Variants in UGT1A3 observed in about 807,000 individuals in gnomAD.
The protein encoded by UGT1A3 is UDP glucuronosyltransferase family 1 member A3.
Under a neutral mutation model 41.0 loss-of-function variants are expected in UGT1A3, and 31 were observed. That is an observed-to-expected ratio of 0.76 (90% CI 0.57 to 1.02). UGT1A3 has a LOEUF of 1.02. Ranked by LOEUF, UGT1A3 falls within the 50% of genes least tolerant of loss-of-function variation. The pLI is 0.00. For synonymous variants in UGT1A3, 262 were observed against 257.6 expected, an observed-to-expected ratio of 1.02 and a Z score of -0.17; for missense variants, 737 against 671.0, an observed-to-expected ratio of 1.10 and a Z score of -1.09.
At chr2:233,741,868 C>T (rs566953182) in intron 1 of UGT1A3, 3 of 152,000 alleles carry the variant, frequency 2.0e-5, no homozygotes, top group South Asian at 2.1e-4. Flanking sequence ...GCAAACCTTT[C>T]CTCAGAGGTG....
At chr2:233,760,859 C>T in intron 1 of UGT1A3, 1 of 1,614,112 alleles carries the variant, frequency 6.2e-7, no homozygotes, top group Non-Finnish European at 8.5e-7. Context: ...AACCCATTCT[C>T]CTACGTGCCC....
intron 1 of UGT1A3, chr2:233,752,519 T>C (rs1480791131): frequency 6.6e-6 from 1 of 152,208 alleles, no homozygotes; most frequent in East Asian, 1.9e-4. Context: ...ATTTTTCAAT[T>C]CTAAAAATTC....
intron 1 of UGT1A3, among the ~76,000 whole-genome samples, chr2:233,742,449 T>C (rs1691982228): frequency 6.6e-6 from 1 of 151,986 alleles, no homozygotes. Flanking sequence ...GGGCCAGGTG[T>C]TCCTTGCCCT....
At chr2:233,763,561 T>A (rs1698343622) in intron 1 of UGT1A3, among the ~76,000 whole-genome samples, 1 of 152,248 alleles carries the variant, frequency 6.6e-6, no homozygotes, top group Admixed American at 6.5e-5. Context: ...GTCAAGTTAC[T>A]GTTCTTATTT....
chr2:233,729,619 C>A lies in UGT1A3; in HGVS notation c.493C>A (p.Leu165Met). Residue 165 changes from leucine to methionine, a missense_variant, in exon 1 of 5, where the codon CTG becomes ATG. Leu to Met is a conservative substitution (Grantham distance 15). Transcript: ENST00000482026. ...NLCAAVLAKYLSIPTVFFLRN... is the reference protein window; with the variant it reads ...NLCAAVLAKYMSIPTVFFLRN... ...CTGCGCGGCAGTGCTGGCTAAGTACCTGTCGATTCCTACTGTGTTTTTTTT... is the reference window on the plus strand; with the variant it reads ...CTGCGCGGCAGTGCTGGCTAAGTACATGTCGATTCCTACTGTGTTTTTTTT... The A allele has an allele frequency of 6.2e-7, 1 of 1,613,978 alleles. No individual in the cohort carries two copies. Among genetic ancestry groups the A allele is most frequent in the Non-Finnish European group, 8.5e-7 (1 of 1,179,882 alleles).
intron 1 of UGT1A3, among the ~76,000 whole-genome samples, chr2:233,736,326 T>A (rs2078751393): frequency 6.6e-6 from 1 of 152,232 alleles, no homozygotes; most frequent in South Asian, 2.1e-4. Flanking sequence ...TGTGCATGTG[T>A]TATGAAGTTC....
chr2:233,731,474 C>T (rs1441120863), intron 1 of UGT1A3, among the ~76,000 whole-genome samples: 3 of 152,238 alleles, frequency 2.0e-5, no homozygotes, highest in Middle Eastern at 3.4e-3. Context: ...TGTGATGTTC[C>T]CTGGCCTGTG....
At chr2:233,734,495 T>C (rs541063425) in intron 1 of UGT1A3, among the ~76,000 whole-genome samples, 38 of 152,346 alleles carry the variant, frequency 2.5e-4, no homozygotes, top group African/African-American at 9.1e-4. Flanking sequence ...TTGAAGGTTT[T>C]TTTGTGTCTC....
intron 1 of UGT1A3, among the ~76,000 whole-genome samples, chr2:233,763,852 CACAG>C (rs1251702771): frequency 6.6e-6 from 1 of 152,136 alleles, no homozygotes; most frequent in Admixed American, 6.5e-5. Flanking sequence ...AGCAGTGGTT[CACAG>C]ACAATCGCAA....
At chr2:233,747,348 G>A (rs1230445654) in intron 1 of UGT1A3, 17 of 1,603,310 alleles carry the variant, frequency 1.1e-5, no homozygotes, top group African/African-American at 4.0e-5. Context: ...TCGCATGCGG[G>A]AGGCCGTGCG....
chr2:233,729,952 A>G lies in UGT1A3; in HGVS notation c.826A>G (p.Ile276Val), dbSNP rs1448205377. 6.2e-7 allele frequency: 1 copy of G among 1,614,072 alleles called. No individual in the cohort carries two copies. The highest frequency in any genetic ancestry group is 1.3e-5 in the African/African-American group (1 of 75,046). Residue 276 changes from isoleucine (I) to valine (V), a missense_variant, in exon 1 of 5, where the codon ATT (isoleucine) becomes GTT (valine). Physicochemically the swap from Ile to Val is conservative, Grantham distance 29. Coordinates refer to ENST00000482026, the MANE Select transcript of UGT1A3 (RefSeq NM_019093.4). The stretch of plus-strand genomic sequence containing the variant: ...GCCAATCATGCCCAACATGGTCTTC[A>G]TTGGGGGCATCAACTGTGCCAACAG... ...PRPIMPNMVF[I>V]GGINCANRKP...
At chr2:233,772,175 T>G in intron 4 of UGT1A3, 87 bp from the exon 5 acceptor site, 1 of 1,580,518 alleles carries the variant, frequency 6.3e-7, no homozygotes, top group Non-Finnish European at 8.6e-7. Context: ...GAAAATCTGG[T>G]AGTCTTCTTA....
At chr2:233,753,850 C>G (rs929195641) in intron 1 of UGT1A3, among the ~76,000 whole-genome samples, 1 of 152,312 alleles carries the variant, frequency 6.6e-6, no homozygotes, top group Non-Finnish European at 1.5e-5. Flanking sequence ...ATATCATTGA[C>G]CAACCACATA....
At chr2:233,746,544 A>G (rs1423478366) in intron 1 of UGT1A3, among the ~76,000 whole-genome samples, 1 of 151,624 alleles carries the variant, frequency 6.6e-6, no homozygotes, top group East Asian at 1.9e-4. Flanking sequence ...CTGCTGTGTG[A>G]CTTCTTAGCC....
chr2:233,767,955 A>G lies in UGT1A3; in HGVS notation c.1087+19A>G. ...CTGCTTGGTATGTTGGGCGGATTGG[A>G]TGTATAGGTCAAACCAGGGTCAAAT... On this transcript the variant is annotated intron_variant, in intron 3 of 4. Coordinates refer to ENST00000482026, the MANE Select transcript of UGT1A3 (RefSeq NM_019093.4). 1 of 1,614,124 alleles carries G rather than the reference A, an allele frequency of 6.2e-7. No homozygotes were observed. The highest frequency in any genetic ancestry group is 8.5e-7 in the Non-Finnish European group (1 of 1,180,040).
chr2:233,766,948 G>A, intron 1 of UGT1A3, 86 bp from the exon 2 acceptor site: 1 of 1,599,792 alleles, frequency 6.3e-7, no homozygotes, highest in Non-Finnish European at 8.5e-7. Context: ...AGTCTTAAGA[G>A]GAAGATATCT....
chr2:233,769,998 C>A lies in UGT1A3; in HGVS notation c.1307+1559C>A. The stretch of plus-strand genomic sequence containing the variant: ...AGGATGTCCTGCTCACATATCAATA[C>A]CATTAAAACCTGACTTCTTTCCCTG... On this transcript the variant is annotated intron_variant, in intron 4 of 4. Coordinates refer to ENST00000482026, the MANE Select transcript of UGT1A3 (RefSeq NM_019093.4). The surrounding 1 kb of genome is among the most constrained non-coding windows in gnomAD (Gnocchi z 4.4). 5.7e-6 allele frequency: 1 copy of A among 174,584 alleles called. No homozygotes were observed. The highest frequency in any genetic ancestry group is 1.2e-5 in the Non-Finnish European group (1 of 82,536). The allele number at this position is 174,584 out of a possible 1,614,324, so 10.8% of individuals were successfully genotyped here. A position where few individuals can be genotyped will look rare whatever the true frequency, so the allele number is the denominator to read the frequency against.
chr2:233,755,370 G>C, intron 1 of UGT1A3: 2 of 359,040 alleles, frequency 5.6e-6, no homozygotes, highest in South Asian at 4.4e-5. Context: ...GCCGCCTGGA[G>C]GGCCGCCCCT....
chr2:233,733,391 T>C lies in UGT1A3; in HGVS notation c.867+3398T>C, dbSNP rs547725287. Among the ~76,000 whole-genome samples the C allele has an allele frequency of 1.8e-4, 27 of 152,316 alleles. No homozygotes were observed. In the South Asian group the frequency reaches 5.6e-3, roughly 32 times the overall value. On this transcript the variant is annotated intron_variant, in intron 1 of 4. Coordinates refer to ENST00000482026, the MANE Select transcript of UGT1A3 (RefSeq NM_019093.4). Reference sequence around the variant, plus strand: ...AGGTCATCCTTGTTTTGTGCCAGTTTTCAAAGGGAATGCTTCCAGTTTTCG... The same window carrying C: ...AGGTCATCCTTGTTTTGTGCCAGTTCTCAAAGGGAATGCTTCCAGTTTTCG...
Sources: gnomAD v4.1 joint callset for allele counts (sites outside exome capture counted in the v4.1 genomes callset) on GRCh38, gnomAD v4.1.1 for gene constraint, Gnocchi (gnomAD v3.1) non-coding constraint, MANE v1.5 for transcripts, NCBI Gene and HGNC (gene_info 2026-07-23, HGNC 2026-07-21) for gene names.